The following SLC24A5 variants were observed in gnomAD, a reference collection of about 807,000 sequenced individuals.
The protein encoded by SLC24A5 is sodium/potassium/calcium exchanger 5.
SLC24A5 carries 46 observed loss-of-function variants against 51.6 expected under a neutral mutation model. That is an observed-to-expected ratio of 0.89 (90% CI 0.70 to 1.14). The LOEUF (loss-of-function observed/expected upper bound fraction) is 1.14. SLC24A5 is among the 50% of genes most tolerant of loss of function. The pLI is 0.00. For missense variants in SLC24A5, 581 were observed against 604.1 expected (o/e 0.96, Z 0.40); for synonymous variants, 230 against 214.9 (o/e 1.07, Z -0.62).
intron 2 of SLC24A5, among the ~76,000 whole-genome samples, chr15:48,127,056 G>C (rs925754313): frequency 6.6e-6 from 1 of 152,152 alleles, no homozygotes; most frequent in Non-Finnish European, 1.5e-5. Context: ...GAGCCAGATA[G>C]CCCAGGTTCA....
intron 6 of SLC24A5, 197 bp from the exon 7 acceptor site, chr15:48,138,772 C>T (rs2038965352): frequency 5.5e-6 from 3 of 548,770 alleles, no homozygotes; most frequent in Non-Finnish European, 9.8e-6. Flanking sequence ...CGGAGTATCA[C>T]ATCTTACATT....
intron 7 of SLC24A5, chr15:48,140,887 G>A (rs912397620): frequency 1.0e-5 from 4 of 392,290 alleles, no homozygotes; most frequent in South Asian, 2.9e-5. Flanking sequence ...TAGCTGTTAC[G>A]TATCTTTAGA....
intron 6 of SLC24A5, 41 bp downstream of exon 6, chr15:48,137,004 A>G (rs1359699607): frequency 1.3e-6 from 2 of 1,545,094 alleles, no homozygotes; most frequent in South Asian, 2.5e-5. Context: ...CTATTCGCAA[A>G]GGAAAAACTT....
chr15:48,135,270 C>G (rs1469350946), intron 5 of SLC24A5: 3 of 259,268 alleles, frequency 1.2e-5, no homozygotes, highest in Non-Finnish European at 2.3e-5. Flanking sequence ...AGTTTCCCAA[C>G]TCCTGTTGTC....
At chr15:48,139,441 T>A in intron 7 of SLC24A5, 1 of 276,696 alleles carries the variant, frequency 3.6e-6, no homozygotes, top group Non-Finnish European at 6.8e-6. Flanking sequence ...ATTCATAGGA[T>A]GTCTTTTTAT....
At chr15:48,133,533 T>C (rs2038820956) in intron 2 of SLC24A5, among the ~76,000 whole-genome samples, 1 of 152,160 alleles carries the variant, frequency 6.6e-6, no homozygotes, top group Non-Finnish European at 1.5e-5. Context: ...CGTATTTTCT[T>C]ATATTCCTAT....
intron 2 of SLC24A5, among the ~76,000 whole-genome samples, chr15:48,129,654 T>C (rs1294468477): frequency 1.3e-5 from 2 of 152,090 alleles, no homozygotes; most frequent in African/African-American, 2.4e-5. Context: ...TAAAATACTA[T>C]GATAAAAGTA....
Position 48,142,130 on chromosome 15 carries a change from T to C in SLC24A5, c.1282T>C (p.Ser428Pro), listed in dbSNP as rs900487715. Residue 428 changes from serine to proline, a missense_variant, in exon 9 of 9, where the codon TCA becomes CCA. By Grantham distance (74) the Ser-to-Pro change is moderately conservative. Coordinates refer to ENST00000341459, the MANE Select transcript of SLC24A5 (RefSeq NM_205850.3). The part of the protein sequence containing the change: ...WFIKTAFING[S>P]APAEVNSRGL... Reference sequence around the variant, plus strand: ...TATTAAAACTGCATTTATAAATGGATCAGCTCCTGCAGAAGTAAACAGCAG... The same window carrying C: ...TATTAAAACTGCATTTATAAATGGACCAGCTCCTGCAGAAGTAAACAGCAG... The C allele has an allele frequency of 6.2e-7, 1 of 1,613,842 alleles. No individual in the cohort carries two copies. Among genetic ancestry groups the C allele is most frequent in the Non-Finnish European group, 8.5e-7 (1 of 1,179,834 alleles).
chr15:48,129,816 GA>G lies in SLC24A5; in HGVS notation c.302-4433del, dbSNP rs367974857. ...CATTCTATAACTTTGAGTAAAGATTGAAAAAAAAAGATAATACCTTAAAGAT... is the reference window on the plus strand; with the variant it reads ...CATTCTATAACTTTGAGTAAAGATTGAAAAAAAAGATAATACCTTAAAGAT... On this transcript the variant is annotated intron_variant, in intron 2 of 8. Transcript: ENST00000341459. Among the ~76,000 whole-genome samples, 217 of 150,072 alleles carry G rather than the reference GA, an allele frequency of 1.4e-3. 7 individuals carry two copies. In the South Asian group the frequency reaches 0.038, roughly 26 times the overall value.
chr15:48,128,844 G>A (rs1026494854), intron 2 of SLC24A5, among the ~76,000 whole-genome samples: 28 of 152,084 alleles, frequency 1.8e-4, no homozygotes, highest in African/African-American at 5.8e-4. Flanking sequence ...TGCTATTGCA[G>A]GAACAAGAAA....
intron 1 of SLC24A5, 22 bp from the exon 2 acceptor site, chr15:48,121,835 T>C (rs1453283147): frequency 4.3e-6 from 7 of 1,613,042 alleles, no homozygotes; most frequent in Non-Finnish European, 5.9e-6. Flanking sequence ...TCTTCAAACT[T>C]TCACCTCCTT....
intron 2 of SLC24A5, among the ~76,000 whole-genome samples, chr15:48,133,455 G>C (rs1448376296): frequency 6.6e-6 from 1 of 152,040 alleles, no homozygotes; most frequent in Non-Finnish European, 1.5e-5. Flanking sequence ...CTCTCATCTT[G>C]TCAGTCCCTA....
chr15:48,133,105 C>T (rs2038811331), intron 2 of SLC24A5, among the ~76,000 whole-genome samples: 1 of 152,066 alleles, frequency 6.6e-6, no homozygotes, highest in Non-Finnish European at 1.5e-5. Context: ...CCACCTGTGA[C>T]AGGGAGTCAA....
In SLC24A5 at chr15:48,141,195, T is replaced by C. The variant is rs569067927; in HGVS notation, c.1161T>C (p.Ser387=). 263 of 1,613,414 alleles carry C rather than the reference T, an allele frequency of 1.6e-4. 2 individuals are homozygous for C. The South Asian group carries it at 2.7e-3, about 16-fold the overall frequency. The part of the protein sequence containing the change: ...AGTSIPDTIA[S]VLVARKGKGD... The stretch of plus-strand genomic sequence containing the variant: ...CAAGCATACCAGACACAATTGCAAG[T>C]GTGTTGGTTGCAAGAAAAGGTAAGA... Residue 387 remains serine, a synonymous_variant, in exon 8 of 9, where the codon AGT becomes AGC. Transcript: ENST00000341459.
chr15:48,141,003 T>A, intron 7 of SLC24A5, 110 bp from the exon 8 acceptor site: 1 of 825,908 alleles, frequency 1.2e-6, no homozygotes, highest in Non-Finnish European at 1.9e-6. Flanking sequence ...GGCTCTGAAT[T>A]CTAAATGTGC....
At chr15:48,140,897 A>G in intron 7 of SLC24A5, 2 of 434,208 alleles carry the variant, frequency 4.6e-6, no homozygotes, top group South Asian at 5.0e-5. Flanking sequence ...GTATCTTTAG[A>G]TATGTCATTA....
At chr15:48,124,479 A>G (rs905942127) in intron 2 of SLC24A5, 1 of 152,162 alleles carries the variant, frequency 6.6e-6, no homozygotes, top group African/African-American at 2.4e-5. Flanking sequence ...AATGTTAATC[A>G]TATAAAACAC....
chr15:48,137,866 AG>A (rs1237897436), intron 6 of SLC24A5: 1 of 152,140 alleles, frequency 6.6e-6, no homozygotes, highest in African/African-American at 2.4e-5. Context: ...TAGGTTCAGT[AG>A]GAAGTCAGAA....
At chr15:48,121,801 G>A (rs1409754374) in intron 1 of SLC24A5, 56 bp from the exon 2 acceptor site, 1 of 1,560,426 alleles carries the variant, frequency 6.4e-7, no homozygotes, top group African/African-American at 1.4e-5. Flanking sequence ...GCTCTCTGTG[G>A]GCTTGGAATG....
Sources: allele counts gnomAD v4.1 joint callset (sites outside exome capture counted in the v4.1 genomes callset), GRCh38; gene constraint gnomAD v4.1.1; transcripts MANE v1.5; gene names NCBI Gene and HGNC (gene_info 2026-07-23, HGNC 2026-07-21).